MOB3B: variants seen among roughly 807,000 people sequenced by gnomAD.
MOB3B encodes MOB kinase activator 3B.
In MOB3B, 7 loss-of-function variants were observed where a neutral mutation model predicts 18.7. The ratio of observed to expected loss-of-function variants is 0.37; its 90% CI spans 0.21 to 0.70. The LOEUF is 0.70. Among genes scored for constraint, MOB3B ranks in the 30% least tolerant of loss-of-function variants. The pLI, the probability that MOB3B is intolerant of heterozygous loss-of-function variation, is 0.52. For missense variants in MOB3B, 253 were observed against 281.3 expected, an observed-to-expected ratio of 0.90 and a Z score of 0.72; for synonymous variants, 111 against 99.9, an observed-to-expected ratio of 1.11 and a Z score of -0.66.
intron 1 of MOB3B, among the ~76,000 whole-genome samples, chr9:27,490,535 C>G (rs1819800252): frequency 6.6e-6 from 1 of 152,038 alleles, no homozygotes; most frequent in South Asian, 2.1e-4. Context: ...TGGTAGGAGA[C>G]AAGAAAGGGC....
intron 2 of MOB3B, among the ~76,000 whole-genome samples, chr9:27,406,390 C>T (rs532611771): frequency 1.7e-4 from 26 of 152,236 alleles, no homozygotes; most frequent in Non-Finnish European, 3.1e-4. Context: ...AAAAATAATC[C>T]TTAAATGTAT....
chr9:27,419,350 G>C lies in MOB3B; in HGVS notation c.418+35783C>G, dbSNP rs187795799. Among the ~76,000 whole-genome samples, 77 of 152,166 alleles carry C rather than the reference G, an allele frequency of 5.1e-4. 1 individual carries two copies. In the East Asian group the frequency reaches 0.012, roughly 23 times the overall value. On this transcript the variant is annotated intron_variant, in intron 2 of 3. Transcript: ENST00000262244. ...CAAAATAAGAGCTCACATAGCCAGG[G>C]CAAGACTAAGCAAAAGAACAAATCT...
At chr9:27,455,005 C>T (rs1029689860) in intron 2 of MOB3B, 128 bp downstream of exon 2, 2 of 974,204 alleles carry the variant, frequency 2.1e-6, no homozygotes, top group Non-Finnish European at 3.1e-6. Flanking sequence ...TTATATATCA[C>T]TCACTACAGG....
intron 3 of MOB3B, among the ~76,000 whole-genome samples, chr9:27,340,491 A>G (rs1436021556): frequency 2.6e-5 from 4 of 152,170 alleles, no homozygotes; most frequent in African/African-American, 9.7e-5. Context: ...GGGTTGCCTC[A>G]TAGTGCATCG....
chr9:27,475,748 C>CTGTCTAA (rs1276179487), intron 1 of MOB3B, among the ~76,000 whole-genome samples: 6 of 152,218 alleles, frequency 3.9e-5, no homozygotes, highest in Non-Finnish European at 8.8e-5. Flanking sequence ...TCTAGTTGCT[C>CTGTCTAA]TGTCTAATCA....
At chr9:27,376,781 C>T (rs960452347) in intron 2 of MOB3B, among the ~76,000 whole-genome samples, 4 of 152,208 alleles carry the variant, frequency 2.6e-5, no homozygotes, top group African/African-American at 7.2e-5. Context: ...CAGGCCTCAA[C>T]CTAGCAGCAC....
At chr9:27,424,763 C>T (rs1240232725) in intron 2 of MOB3B, among the ~76,000 whole-genome samples, 2 of 152,110 alleles carry the variant, frequency 1.3e-5, no homozygotes, top group East Asian at 3.8e-4. Context: ...TGCCAATCAA[C>T]TCATACATAG....
intron 3 of MOB3B, among the ~76,000 whole-genome samples, chr9:27,354,324 CAG>C (rs1252972034): frequency 6.6e-6 from 1 of 152,178 alleles, no homozygotes; most frequent in Non-Finnish European, 1.5e-5. Context: ...ACTGCTAAAA[CAG>C]AGAGGGTTGG....
intron 1 of MOB3B, among the ~76,000 whole-genome samples, chr9:27,515,542 T>C (rs1228656555): frequency 6.6e-6 from 1 of 152,204 alleles, no homozygotes; most frequent in African/African-American, 2.4e-5. Context: ...TCTAGAGCAT[T>C]GGCACTTAAT....
chr9:27,448,895 A>C lies in MOB3B; in HGVS notation c.418+6238T>G, dbSNP rs188156138. Among the ~76,000 whole-genome samples the C allele has an allele frequency of 2.6e-5, 4 of 152,310 alleles. No homozygotes were observed. The East Asian group carries it at 7.7e-4, about 29-fold the overall frequency. On this transcript the variant is annotated intron_variant, in intron 2 of 3. Coordinates refer to ENST00000262244, the MANE Select transcript of MOB3B (RefSeq NM_024761.5). ...TGCAAACACTTTTCCCATCCTCTTG[A>C]AGGATCAAATGTAGGTAACCTTGCC...
At chr9:27,479,763 A>G (rs1321552901) in intron 1 of MOB3B, among the ~76,000 whole-genome samples, 1 of 152,222 alleles carries the variant, frequency 6.6e-6, no homozygotes. Flanking sequence ...GTGATAGGGG[A>G]ATAGAAATTT....
At position 27,529,791 on chromosome 9, in the gene MOB3B, C is replaced by G. The variant is rs1365995279; in HGVS notation, c.-435G>C. On this transcript the variant is annotated 5_prime_UTR_variant, in exon 1 of 4. Transcript: ENST00000262244. ...CAGCCCCCTCATGCACCCAGCGCGC[C>G]GCGCAGCCGGCCGGGGCTCGACTGT... The G allele has an allele frequency of 2.0e-6, 2 of 985,216 alleles. No homozygotes were observed. The highest frequency in any genetic ancestry group is 2.4e-6 in the Non-Finnish European group (2 of 829,902). 61.0% of individuals were successfully genotyped at this position (985,216 alleles called of 1,614,324 possible).
chr9:27,333,289 AAAGCTCTGC>A lies in MOB3B; in HGVS notation c.622-2682_622-2674del, dbSNP rs1476252884. Among the ~76,000 whole-genome samples the A allele has an allele frequency of 7.9e-5, 12 of 152,308 alleles. No individual in the cohort carries two copies. The South Asian group carries it at 2.5e-3, about 32-fold the overall frequency. ...GACATTTGAGTTGGATCCATCCTTC[AAAGCTCTGC>A]AAGACTCTGCAAGCTGTATTCTAGC... On this transcript the variant is annotated intron_variant, in intron 3 of 3. Coordinates refer to ENST00000262244, the MANE Select transcript of MOB3B (RefSeq NM_024761.5).
intron 2 of MOB3B, among the ~76,000 whole-genome samples, chr9:27,381,528 G>A (rs768931885): frequency 2.0e-5 from 3 of 152,080 alleles, no homozygotes; most frequent in Non-Finnish European, 4.4e-5. Context: ...AGCCAGATGT[G>A]GATAGCAGAG....
intron 2 of MOB3B, among the ~76,000 whole-genome samples, chr9:27,406,473 A>G (rs919529540): frequency 8.5e-5 from 13 of 152,208 alleles, no homozygotes; most frequent in African/African-American, 1.2e-4. Flanking sequence ...ATCACATTAC[A>G]CTGACTTCAA....
rs61043046 is a variant in MOB3B, at chr9:27,365,162, C to CAAAAA, written c.419-5931_419-5927dup. Reference sequence around the variant, plus strand: ...TCCATCATCTCCTGTTTGGGGGAGGCAAAAAAAAAAAAAGAAAACCCACAG... The same window carrying CAAAAA: ...TCCATCATCTCCTGTTTGGGGGAGGCAAAAAAAAAAAAAAAAAAGAAAACCCACAG... On this transcript the variant is annotated intron_variant, in intron 2 of 3. Coordinates refer to ENST00000262244, the MANE Select transcript of MOB3B (RefSeq NM_024761.5). Among the ~76,000 whole-genome samples, 143 of 109,814 alleles carry CAAAAA rather than the reference C, an allele frequency of 1.3e-3. 4 individuals carry two copies. Among genetic ancestry groups the CAAAAA allele is most frequent in the African/African-American group, 4.1e-3 (116 of 28,428 alleles). 72.0% of individuals were successfully genotyped at this position (109,814 alleles called of 152,430 possible).
chr9:27,446,067 A>G (rs1480411906), intron 2 of MOB3B, among the ~76,000 whole-genome samples: 2 of 152,192 alleles, frequency 1.3e-5, no homozygotes, highest in African/African-American at 4.8e-5. Context: ...CGAATGTTTT[A>G]ATCACAAAAG....
intron 2 of MOB3B, among the ~76,000 whole-genome samples, chr9:27,446,515 A>G (rs1822694656): frequency 6.6e-6 from 1 of 152,190 alleles, no homozygotes; most frequent in African/African-American, 2.4e-5. Context: ...TTGTTCCCCA[A>G]GCTATAGCAA....
In MOB3B at chr9:27,446,644, A is replaced by G. The variant is rs564681541; in HGVS notation, c.418+8489T>C. On this transcript the variant is annotated intron_variant, in intron 2 of 3. Transcript: ENST00000262244. ...CTGATGAGTCTATTGTATCACACTG[A>G]GGCTGTGATACTGAGGGAACTAACG... Among the ~76,000 whole-genome samples the G allele has an allele frequency of 2.0e-5, 3 of 152,284 alleles. No homozygotes were observed. The East Asian group carries it at 5.8e-4, about 29-fold the overall frequency.
Sources: gnomAD v4.1 joint callset for allele counts (sites outside exome capture counted in the v4.1 genomes callset) on GRCh38, gnomAD v4.1.1 for gene constraint, MANE v1.5 for transcripts, NCBI Gene and HGNC (gene_info 2026-07-23, HGNC 2026-07-21) for gene names.